The following CSMD3 variants were observed in gnomAD, a reference collection of about 807,000 sequenced individuals.
CSMD3 encodes CUB and Sushi multiple domains 3, also known as CUB and sushi domain-containing protein 3.
CSMD3 carries 177 observed loss-of-function variants against 435.2 expected under a neutral mutation model. That is an observed-to-expected ratio of 0.41 (90% CI 0.36 to 0.46). The LOEUF (loss-of-function observed/expected upper bound fraction) is 0.46. Ranked by LOEUF, CSMD3 falls within the 20% of genes least tolerant of loss-of-function variation. The pLI is 0.34. For synonymous variants in CSMD3, 1,656 were observed against 1,520.5 expected, an observed-to-expected ratio of 1.09 and a Z score of -2.07; for missense variants, 4,265 against 4,504.6, an observed-to-expected ratio of 0.95 and a Z score of 1.52.
chr8:112,752,742 C>G (rs1323190784), intron 13 of CSMD3, among the ~76,000 whole-genome samples: 2 of 151,896 alleles, frequency 1.3e-5, no homozygotes, highest in Admixed American at 6.6e-5. Flanking sequence ...TATATATTCT[C>G]TAAAAATAAA....
chr8:112,898,421 A>C (rs2082011625), intron 10 of CSMD3, among the ~76,000 whole-genome samples: 1 of 151,232 alleles, frequency 6.6e-6, no homozygotes, highest in Non-Finnish European at 1.5e-5. Flanking sequence ...TTTTTATGTT[A>C]CTTGGGCATA....
intron 35 of CSMD3, among the ~76,000 whole-genome samples, chr8:112,401,456 G>T (rs2129926995): frequency 6.6e-6 from 1 of 151,808 alleles, no homozygotes; most frequent in South Asian, 2.1e-4. Flanking sequence ...TATTTCTTTG[G>T]ATAATGTGAT....
intron 32 of CSMD3, among the ~76,000 whole-genome samples, chr8:112,446,021 A>G (rs1815564800): frequency 6.6e-6 from 1 of 152,204 alleles, no homozygotes; most frequent in Admixed American, 6.5e-5. Context: ...CTTTTCTTCA[A>G]GAATATTTTA....
At chr8:112,596,892 T>C (rs1831779775) in intron 22 of CSMD3, among the ~76,000 whole-genome samples, 1 of 151,522 alleles carries the variant, frequency 6.6e-6, no homozygotes, top group Non-Finnish European at 1.5e-5. Context: ...TTTATAGCAC[T>C]AAATGCCCAC....
intron 3 of CSMD3, among the ~76,000 whole-genome samples, chr8:113,243,384 GTCT>G (rs148447602): frequency 0.023 from 3,492 of 152,032 alleles, 146 homozygotes; most frequent in African/African-American, 0.08. Flanking sequence ...ATAGATTGTA[GTCT>G]TCTGTTTTCA....
At chr8:112,594,424 G>A (rs1159974093) in intron 22 of CSMD3, among the ~76,000 whole-genome samples, 15 of 152,088 alleles carry the variant, frequency 9.9e-5, no homozygotes, top group Non-Finnish European at 1.5e-4. Context: ...ACTGCAAGGC[G>A]GCAGCCAGGC....
At chr8:112,369,421 C>G (rs1319455268) in intron 38 of CSMD3, among the ~76,000 whole-genome samples, 1 of 152,132 alleles carries the variant, frequency 6.6e-6, no homozygotes, top group African/African-American at 2.4e-5. Flanking sequence ...ATATTACAAA[C>G]TAGCACATTT....
intron 10 of CSMD3, among the ~76,000 whole-genome samples, chr8:112,894,085 G>A (rs2081880959): frequency 6.6e-6 from 1 of 151,342 alleles, no homozygotes; most frequent in South Asian, 2.1e-4. Flanking sequence ...ACAACAAAGG[G>A]TTTCTGTAAT....
At chr8:113,118,560 G>A (rs1467611341) in intron 4 of CSMD3, among the ~76,000 whole-genome samples, 1 of 152,096 alleles carries the variant, frequency 6.6e-6, no homozygotes. Flanking sequence ...ACTTTGGGAG[G>A]CTCAGGCAGG....
chr8:112,299,573 G>A (rs909320301), intron 53 of CSMD3, among the ~76,000 whole-genome samples: 1 of 151,990 alleles, frequency 6.6e-6, no homozygotes, highest in African/African-American at 2.4e-5. Flanking sequence ...GTAGGCATAT[G>A]GGTGTTCACT....
intron 13 of CSMD3, among the ~76,000 whole-genome samples, chr8:112,776,348 T>C (rs1169045741): frequency 6.6e-6 from 1 of 151,826 alleles, no homozygotes; most frequent in Non-Finnish European, 1.5e-5. Context: ...TAAATTTTCC[T>C]ACTAAATAAT....
intron 5 of CSMD3, among the ~76,000 whole-genome samples, chr8:113,041,945 A>T (rs2087637945): frequency 6.6e-6 from 1 of 152,150 alleles, no homozygotes; most frequent in South Asian, 2.1e-4. Flanking sequence ...TACCATTTGA[A>T]ATACTCTATT....
chr8:112,651,312 C>T (rs545822344), intron 18 of CSMD3, among the ~76,000 whole-genome samples: 1 of 151,638 alleles, frequency 6.6e-6, no homozygotes, highest in Non-Finnish European at 1.5e-5. Context: ...TATTAGCTAC[C>T]CAATTCAAAA....
chr8:112,672,004 A>G (rs1444586951), intron 16 of CSMD3, among the ~76,000 whole-genome samples: 1 of 152,034 alleles, frequency 6.6e-6, no homozygotes, highest in Admixed American at 6.6e-5. Context: ...AATTGAAAAA[A>G]AATTCTATGT....
At position 112,314,490 on chromosome 8, in the gene CSMD3, G is replaced by T. The variant is rs551587061; in HGVS notation, c.7488C>A (p.Ile2496=). The change falls in exon 48 of 71, where the codon ATC becomes ATA. Residue 2496 remains isoleucine (I), a synonymous_variant. Coordinates refer to ENST00000297405, the MANE Select transcript of CSMD3 (RefSeq NM_198123.2). The part of the protein sequence containing the change: ...WSISVEKGYN[I]TMFVEFFQTE... ...TCTGGAAGAATTCTACAAACATGGT[G>T]ATATTATAACCCTTTTCCACTGAAA... is the stretch of plus-strand genomic sequence containing the variant. The T allele has an allele frequency of 6.2e-7, 1 of 1,612,450 alleles. No homozygotes were observed.
At chr8:112,500,318 T>C (rs957407154) in intron 30 of CSMD3, among the ~76,000 whole-genome samples, 1 of 152,176 alleles carries the variant, frequency 6.6e-6, no homozygotes, top group African/African-American at 2.4e-5. Flanking sequence ...TGAAAGGAAC[T>C]AGTTTTTAGA....
At chr8:113,334,324 T>G (rs563470819) in intron 1 of CSMD3, among the ~76,000 whole-genome samples, 50 of 151,186 alleles carry the variant, frequency 3.3e-4, no homozygotes, top group Middle Eastern at 3.4e-3. Context: ...CTGTTACATA[T>G]TTCCTTGTAT....
chr8:112,566,040 CTT>C (rs566193975), intron 24 of CSMD3, among the ~76,000 whole-genome samples: 13 of 141,768 alleles, frequency 9.2e-5, no homozygotes, highest in Non-Finnish European at 7.7e-5. Context: ...CTCTCTCTCT[CTT>C]TTTTTTTTTT....
At chr8:113,057,199 A>AATTT (rs2088380173) in intron 5 of CSMD3, among the ~76,000 whole-genome samples, 1 of 151,986 alleles carries the variant, frequency 6.6e-6, no homozygotes, top group Non-Finnish European at 1.5e-5. Flanking sequence ...TAACACTCAT[A>AATTT]ATGTTTTCAG....
Sources: allele counts gnomAD v4.1 joint callset (sites outside exome capture counted in the v4.1 genomes callset), GRCh38; gene constraint gnomAD v4.1.1; transcripts MANE v1.5; gene names NCBI Gene and HGNC (gene_info 2026-07-23, HGNC 2026-07-21).